Variants in NDUFC2 observed in about 807,000 individuals in gnomAD.
NDUFC2 encodes the protein NADH:ubiquinone oxidoreductase subunit C2, also known as NADH dehydrogenase [ubiquinone] 1 subunit C2.
A neutral mutation model predicts 10.1 loss-of-function variants in NDUFC2; 2 were observed. The ratio of observed to expected loss-of-function variants is 0.20; its 90% CI spans 0.08 to 0.62. The LOEUF is 0.62. Among genes scored for constraint, NDUFC2 ranks in the 20% least tolerant of loss-of-function variants. The pLI, the probability that NDUFC2 is intolerant of heterozygous loss-of-function variation, is 0.87. For missense variants in NDUFC2, 156 were observed against 159.6 expected (o/e 0.98, Z 0.12); for synonymous variants, 61 against 63.6 (o/e 0.96, Z 0.20).
intron 2 of NDUFC2, among the ~76,000 whole-genome samples, chr11:78,071,146 T>C (rs1335812943): frequency 6.6e-6 from 1 of 152,106 alleles, no homozygotes; most frequent in African/African-American, 2.4e-5. Flanking sequence ...CTGAAGGCTG[T>C]GGGAATATTA....
chr11:78,074,791 T>A (rs1859170348), intron 1 of NDUFC2, among the ~76,000 whole-genome samples: 1 of 152,220 alleles, frequency 6.6e-6, no homozygotes, highest in South Asian at 2.1e-4. Context: ...CTGCTTTCCA[T>A]AATGGGCTAC....
At chr11:78,079,183 T>G (rs942744502) in intron 1 of NDUFC2, among the ~76,000 whole-genome samples, 1 of 151,642 alleles carries the variant, frequency 6.6e-6, no homozygotes. Context: ...GTTAATCTGT[T>G]AGGCTCGGTT....
chr11:78,069,904 G>A lies in NDUFC2; in HGVS notation c.*83C>T, dbSNP rs532766460. The A allele has an allele frequency of 8.7e-6, 14 of 1,613,036 alleles. No individual in the cohort carries two copies. Among genetic ancestry groups the A allele is most frequent in the Non-Finnish European group, 1.1e-5 (13 of 1,179,548 alleles). On this transcript the variant is annotated 3_prime_UTR_variant, in exon 3 of 3. Transcript: ENST00000281031. ...GGTGTCAACATACAGATTAGCATAA[G>A]CTTCAACTGTCATAAGAAACATGTT... is the stretch of plus-strand genomic sequence containing the variant.
intron 2 of NDUFC2, among the ~76,000 whole-genome samples, chr11:78,072,520 G>C (rs1196257049): frequency 6.6e-6 from 1 of 152,212 alleles, no homozygotes; most frequent in Non-Finnish European, 1.5e-5. Flanking sequence ...TGCTGTCATT[G>C]GAAATAAGAC....
At chr11:78,073,354 TG>T (rs1859097998) in intron 1 of NDUFC2, among the ~76,000 whole-genome samples, 1 of 149,966 alleles carries the variant, frequency 6.7e-6, no homozygotes, top group Non-Finnish European at 1.5e-5. Flanking sequence ...TGGCTGGGGG[TG>T]GTGGCGGGTG....
chr11:78,071,682 T>G (rs1250991929), intron 2 of NDUFC2, among the ~76,000 whole-genome samples: 3 of 152,186 alleles, frequency 2.0e-5, no homozygotes, highest in African/African-American at 7.2e-5. Context: ...TTACAACTAT[T>G]AATAGATTCA....
intron 2 of NDUFC2, among the ~76,000 whole-genome samples, chr11:78,072,253 C>T (rs1859043257): frequency 6.6e-6 from 1 of 152,194 alleles, no homozygotes; most frequent in Admixed American, 6.5e-5. Context: ...TCTCAGCTCA[C>T]TGCAACCTCC....
rs1214678957 is a variant in NDUFC2, at chr11:78,069,239, A to G, written c.*748T>C. Reference sequence around the variant, plus strand: ...AAAAGTAACCTCATTCCAGTTAGGTACAGTCTTTTGCTTCTAATTGCACCA... The same window carrying G: ...AAAAGTAACCTCATTCCAGTTAGGTGCAGTCTTTTGCTTCTAATTGCACCA... On this transcript the variant is annotated 3_prime_UTR_variant, in exon 3 of 3. Transcript: ENST00000281031. The G allele has an allele frequency of 6.6e-6, 1 of 152,324 alleles. No individual in the cohort carries two copies. Among genetic ancestry groups the G allele is most frequent in the Non-Finnish European group, 1.5e-5 (1 of 68,134 alleles). 9.4% of individuals were successfully genotyped at this position (152,324 alleles called of 1,614,324 possible). A position where few individuals can be genotyped will look rare whatever the true frequency, so the allele number is the denominator to read the frequency against.
chr11:78,079,661 C>T lies in NDUFC2; in HGVS notation c.84G>A (p.Pro28=), dbSNP rs1186437244. The T allele has an allele frequency of 6.2e-7, 1 of 1,605,222 alleles. No homozygotes were observed. Among genetic ancestry groups the T allele is most frequent in the South Asian group, 1.1e-5 (1 of 89,364 alleles). Residue 28 remains proline (P), a synonymous_variant, in exon 1 of 3, where the codon CCG becomes CCA. Transcript: ENST00000281031. ...RSLPPPKLTD[P]RLLYIGFLGY... is the part of the protein sequence containing the mutation. ...CCAAGAAGCCGATGTAGAGGAGCCG[C>T]GGGTCGGTCAGCTTGGGCGGGGGCA...
chr11:78,071,085 C>CA (rs902642921), intron 2 of NDUFC2, among the ~76,000 whole-genome samples: 2 of 151,542 alleles, frequency 1.3e-5, no homozygotes, highest in African/African-American at 4.8e-5. Context: ...TCTTCTTTGG[C>CA]AAAAAAAGAA....
At chr11:78,075,644 G>C (rs1291224654) in intron 1 of NDUFC2, among the ~76,000 whole-genome samples, 1 of 152,128 alleles carries the variant, frequency 6.6e-6, no homozygotes, top group Non-Finnish European at 1.5e-5. Context: ...AGAATACAGA[G>C]GCATGATCAC....
At chr11:78,078,719 C>T (rs541331654) in intron 1 of NDUFC2, among the ~76,000 whole-genome samples, 1 of 41,780 alleles carries the variant, frequency 2.4e-5, no homozygotes, top group African/African-American at 9.5e-5. Flanking sequence ...CCTCATGAAT[C>T]AGGATCCGCT....
At chr11:78,074,050 CT>C (rs1388798627) in intron 1 of NDUFC2, among the ~76,000 whole-genome samples, 1 of 115,636 alleles carries the variant, frequency 8.6e-6, no homozygotes, top group Non-Finnish European at 1.9e-5. Flanking sequence ...TTCTTTCTTT[CT>C]TTCTTTTTTT....
At chr11:78,072,016 T>A (rs745559858) in intron 2 of NDUFC2, among the ~76,000 whole-genome samples, 1 of 152,018 alleles carries the variant, frequency 6.6e-6, no homozygotes, top group Non-Finnish European at 1.5e-5. Flanking sequence ...GAAGCTACAA[T>A]CCATGAAGAA....
rs1858916667 is a variant in NDUFC2 at position 78,069,856 on chromosome 11, C to T, written c.*131G>A. 3 of 1,584,418 alleles carry T rather than the reference C, an allele frequency of 1.9e-6. No individual in the cohort carries two copies. The East Asian group carries it at 6.7e-5, about 36-fold the overall frequency. On this transcript the variant is annotated 3_prime_UTR_variant, in exon 3 of 3. Transcript: ENST00000281031. ...TACAACAATAAAGAGTCAGAGTACT[C>T]ATGGTACGTATTTTAATTACAAGGT...
At chr11:78,079,128 C>A (rs868389486) in intron 1 of NDUFC2, among the ~76,000 whole-genome samples, 9,975 of 94,896 alleles carry the variant, frequency 0.11, 1,152 homozygotes, top group African/African-American at 0.31. Flanking sequence ...AAAAAAAAAA[C>A]CAAGCTCTGC....
At chr11:78,073,801 C>CATAAAA (rs1491146789) in intron 1 of NDUFC2, among the ~76,000 whole-genome samples, 1 of 62,086 alleles carries the variant, frequency 1.6e-5, no homozygotes, top group African/African-American at 6.2e-5. Context: ...GGCTCTGTCT[C>CATAAAA]AAAAAAAAAA....
intron 2 of NDUFC2, among the ~76,000 whole-genome samples, chr11:78,072,265 C>A (rs546077): frequency 0.86 from 129,897 of 151,924 alleles, 55,618 homozygotes; most frequent in Admixed American, 0.89. Flanking sequence ...GCAACCTCCG[C>A]CTCCCAGGTT....
At chr11:78,074,117 C>T (rs1167573129) in intron 1 of NDUFC2, among the ~76,000 whole-genome samples, 3 of 151,508 alleles carry the variant, frequency 2.0e-5, no homozygotes, top group Admixed American at 2.0e-4. Flanking sequence ...TGGGCTCAAG[C>T]GATCCCCCTG....
Sources: allele counts gnomAD v4.1 joint callset (sites outside exome capture counted in the v4.1 genomes callset), GRCh38; gene constraint gnomAD v4.1.1; transcripts MANE v1.5; gene names NCBI Gene and HGNC (gene_info 2026-07-23, HGNC 2026-07-21).